MPP7: variants seen among roughly 807,000 people sequenced by gnomAD.
MPP7 encodes MAGUK p55 subfamily member 7.
MPP7 carries 60 observed loss-of-function variants against 76.5 expected under a neutral mutation model. The observed-to-expected ratio is 0.78, with a 90% confidence interval of 0.64 to 0.97. The LOEUF is 0.97. Ranked by LOEUF, MPP7 falls within the 50% of genes least tolerant of loss-of-function variation. The pLI is 0.00. For missense variants in MPP7, 641 were observed against 694.0 expected (o/e 0.92, Z 0.86); for synonymous variants, 237 against 244.5 (o/e 0.97, Z 0.29).
rs564489800 is a variant in MPP7, at chr10:28,243,171, T to A, written c.-131-4436A>T. On this transcript the variant is annotated intron_variant, in intron 1 of 16. Coordinates refer to ENST00000683449, the MANE Select transcript of MPP7 (RefSeq NM_001318170.2). ...AACATTTTCTTGAAGATAAATAGAG[T>A]CCATACTTTCAAGGGAAACCAAAAA... Among the ~76,000 whole-genome samples the A allele has an allele frequency of 2.6e-5, 4 of 152,020 alleles. No homozygotes were observed. The East Asian group carries it at 7.7e-4, about 29-fold the overall frequency.
At chr10:28,251,161 T>C (rs1175563092) in intron 1 of MPP7, among the ~76,000 whole-genome samples, 1 of 152,124 alleles carries the variant, frequency 6.6e-6, no homozygotes, top group Non-Finnish European at 1.5e-5. Context: ...GAAAGAACCA[T>C]ATAAGAATAC....
intron 12 of MPP7, among the ~76,000 whole-genome samples, chr10:28,079,052 C>T (rs1233260937): frequency 6.6e-6 from 1 of 152,114 alleles, no homozygotes; most frequent in Non-Finnish European, 1.5e-5. Flanking sequence ...CACCTTTTCC[C>T]CAAATGATCT....
intron 1 of MPP7, among the ~76,000 whole-genome samples, chr10:28,288,677 C>A (rs184522027): frequency 1.2e-4 from 19 of 152,138 alleles, no homozygotes; most frequent in Non-Finnish European, 2.4e-4. Context: ...GAGCGTGAAG[C>A]GGTACTGAAA....
At chr10:28,072,252 C>T (rs966285895) in intron 12 of MPP7, among the ~76,000 whole-genome samples, 1 of 151,918 alleles carries the variant, frequency 6.6e-6, no homozygotes, top group Admixed American at 6.6e-5. Flanking sequence ...CCAGCTTGGG[C>T]GACAGAGCGA....
intron 3 of MPP7, among the ~76,000 whole-genome samples, chr10:28,164,733 T>C (rs767241514): frequency 7.2e-5 from 11 of 152,004 alleles, no homozygotes; most frequent in Non-Finnish European, 2.9e-5. Context: ...CCCAAGATAA[T>C]TCTTCTTCTT....
At chr10:28,164,287 C>G (rs1036533110) in intron 3 of MPP7, among the ~76,000 whole-genome samples, 2 of 152,058 alleles carry the variant, frequency 1.3e-5, no homozygotes, top group Admixed American at 6.5e-5. Flanking sequence ...TAGGAGACCC[C>G]GCAGATGCTG....
intron 3 of MPP7, among the ~76,000 whole-genome samples, chr10:28,185,871 AG>A (rs762289987): frequency 8.5e-5 from 13 of 152,326 alleles, no homozygotes; most frequent in South Asian, 4.1e-4. Context: ...GCTGACACTA[AG>A]TTTTCCTTAT....
chr10:28,088,320 C>T (rs190153682), intron 12 of MPP7, among the ~76,000 whole-genome samples: 2 of 152,280 alleles, frequency 1.3e-5, no homozygotes, highest in African/African-American at 4.8e-5. Context: ...CTGTAATTCT[C>T]AATGCTGGGG....
chr10:28,303,201 A>G (rs758670311), upstream of MPP7: 1 of 151,560 alleles, frequency 6.6e-6, no homozygotes, highest in South Asian at 2.1e-4. Flanking sequence ...TCTCCAGCAG[A>G]ACTCCCTCAT....
At chr10:28,278,325 A>C (rs1840564816) in intron 1 of MPP7, among the ~76,000 whole-genome samples, 1 of 152,120 alleles carries the variant, frequency 6.6e-6, no homozygotes, top group Non-Finnish European at 1.5e-5. Context: ...TTTGGAACAC[A>C]AAATATTGAG....
intron 2 of MPP7, among the ~76,000 whole-genome samples, chr10:28,232,841 T>C (rs1045555148): frequency 6.6e-6 from 1 of 152,198 alleles, no homozygotes. Context: ...CCTAGGTGGA[T>C]GATGGTCACA....
intron 12 of MPP7, among the ~76,000 whole-genome samples, chr10:28,087,164 A>T (rs1485848867): frequency 6.6e-6 from 1 of 152,054 alleles, no homozygotes; most frequent in African/African-American, 2.4e-5. Flanking sequence ...GCTGGTTGTT[A>T]AAAACAGCCT....
chr10:28,273,089 T>C lies in MPP7; in HGVS notation c.-132+29772A>G, dbSNP rs545049625. Among the ~76,000 whole-genome samples, 40 of 152,236 alleles carry C rather than the reference T, an allele frequency of 2.6e-4. 1 individual carries two copies. The highest frequency in any genetic ancestry group is 7.9e-4 in the African/African-American group (33 of 41,544). On this transcript the variant is annotated intron_variant, in intron 1 of 16. Transcript: ENST00000683449. The stretch of plus-strand genomic sequence containing the variant: ...ACACCACCACACTGGGCTAATTTTT[T>C]GTATTTTTAGTAGAGATGGGGTTTC...
chr10:28,074,520 C>G (rs1852397769), intron 12 of MPP7, among the ~76,000 whole-genome samples: 1 of 152,148 alleles, frequency 6.6e-6, no homozygotes, highest in South Asian at 2.1e-4. Flanking sequence ...TGGTCTCAAA[C>G]TCCTGGCCTC....
intron 1 of MPP7, among the ~76,000 whole-genome samples, chr10:28,293,737 A>G (rs997336678): frequency 6.6e-6 from 1 of 152,064 alleles, no homozygotes; most frequent in Non-Finnish European, 1.5e-5. Context: ...CAGTCTCTAC[A>G]TACCAGGAAC....
intron 2 of MPP7, chr10:28,329,790 T>C (rs2133191970): frequency 6.6e-6 from 1 of 152,316 alleles, no homozygotes; most frequent in East Asian, 1.9e-4. Context: ...TTCCAGTAAC[T>C]GAGGATATGC....
chr10:28,244,069 C>T (rs1474159794), intron 1 of MPP7, among the ~76,000 whole-genome samples: 1 of 152,090 alleles, frequency 6.6e-6, no homozygotes, highest in Non-Finnish European at 1.5e-5. Context: ...ACATTTTAGG[C>T]TTTGTGGTCC....
At chr10:28,184,520 C>T (rs1837165119) in intron 3 of MPP7, among the ~76,000 whole-genome samples, 1 of 149,116 alleles carries the variant, frequency 6.7e-6, no homozygotes, top group Non-Finnish European at 1.5e-5. Flanking sequence ...ACCAGGCTGG[C>T]CAACATGGTG....
At chr10:28,125,546 G>C (rs1158858249) in intron 6 of MPP7, among the ~76,000 whole-genome samples, 2 of 151,962 alleles carry the variant, frequency 1.3e-5, no homozygotes, top group Non-Finnish European at 2.9e-5. Flanking sequence ...CAGATCATTT[G>C]ACTTTTAGTT....
Sources: allele counts gnomAD v4.1 joint callset (sites outside exome capture counted in the v4.1 genomes callset), GRCh38; gene constraint gnomAD v4.1.1; transcripts MANE v1.5; gene names NCBI Gene and HGNC (gene_info 2026-07-23, HGNC 2026-07-21).